Variants in LRRC58 observed in about 807,000 individuals in gnomAD.
LRRC58 encodes the protein leucine rich repeat containing 58.
A neutral mutation model predicts 30.6 loss-of-function variants in LRRC58; 18 were observed. The ratio of observed to expected loss-of-function variants is 0.59; its 90% CI spans 0.41 to 0.87. The LOEUF (loss-of-function observed/expected upper bound fraction) is 0.87, where lower values mean the gene tolerates loss of function less well. Ranked by LOEUF, LRRC58 falls within the 40% of genes least tolerant of loss-of-function variation. The pLI, the probability that LRRC58 is intolerant of heterozygous loss-of-function variation, is 0.00. For missense variants in LRRC58, 420 were observed against 468.4 expected (o/e 0.90, Z 0.95); for synonymous variants, 221 against 206.0 (o/e 1.07, Z -0.62).
rs1298605171 is a variant in LRRC58 at position 120,327,508 on chromosome 3, C to A, written c.*3692G>T. 1 of 151,976 alleles carries A rather than the reference C, an allele frequency of 6.6e-6. No homozygotes were observed. Among genetic ancestry groups the A allele is most frequent in the African/African-American group, 2.4e-5 (1 of 41,362 alleles). 9.4% of individuals were successfully genotyped at this position (151,976 alleles called of 1,614,324 possible). On this transcript the variant is annotated 3_prime_UTR_variant, in exon 4 of 4. Coordinates refer to ENST00000295628, the MANE Select transcript of LRRC58 (RefSeq NM_001099678.2). ...TGACCTCGTGATCCACCCGCCTCGG[C>A]CTCCCAAAGTGCTGGGATTACAAGC...
Position 120,348,802 on chromosome 3 carries a change from G to T in LRRC58, c.442C>A (p.Leu148Met). The T allele has an allele frequency of 6.2e-7, 1 of 1,607,390 alleles. No homozygotes were observed. Residue 148 changes from leucine (L) to methionine (M), a missense_variant, in exon 1 of 4, where the codon CTG becomes ATG. Leu to Met is a conservative substitution (Grantham distance 15, BLOSUM62 2). Coordinates refer to ENST00000295628, the MANE Select transcript of LRRC58 (RefSeq NM_001099678.2). ...TGCAGTTGGTTGCCGCCCAGGCTCA[G>T]GGTCTGCAGCGCGCGCAGCTCTAAG... ...SLLELRALQT[L>M]SLGGNQLQSI...
At chr3:120,343,261 CAAAT>C (rs1006679080) in intron 1 of LRRC58, among the ~76,000 whole-genome samples, 1 of 152,218 alleles carries the variant, frequency 6.6e-6, no homozygotes, top group Non-Finnish European at 1.5e-5. Flanking sequence ...CTTTCTAACT[CAAAT>C]AATTTCCAAA....
rs1001546872 is a variant in LRRC58 at position 120,326,656 on chromosome 3, G to T, written c.*4544C>A. The stretch of plus-strand genomic sequence containing the variant: ...AAAAGCTCACTATTTTGGACTAAAT[G>T]GGGAGTAACATTCATAATGACAATA... On this transcript the variant is annotated 3_prime_UTR_variant, in exon 4 of 4. Coordinates refer to ENST00000295628, the MANE Select transcript of LRRC58 (RefSeq NM_001099678.2). 2.0e-5 allele frequency: 3 copies of T among 152,144 alleles called. 1 individual carries two copies. The South Asian group carries it at 6.2e-4, about 32-fold the overall frequency. 9.4% of individuals were successfully genotyped at this position (152,144 alleles called of 1,614,324 possible).
At position 120,334,976 on chromosome 3, in the gene LRRC58, A is replaced by G. The variant is rs1368527219; in HGVS notation, c.793T>C (p.Leu265=). The G allele has an allele frequency of 6.2e-7, 1 of 1,613,932 alleles. No homozygotes were observed. Among genetic ancestry groups the G allele is most frequent in the Middle Eastern group, 1.7e-4 (1 of 6,060 alleles). ...LTYDPPTLLE[L]AARTIKIRNI... ...CGAATCTTAATGGTCCGTGCAGCTA[A>G]TTCCAGGAGAGTTGGAGGATCATAG... Residue 265 remains leucine (L), a synonymous_variant, in exon 3 of 4, where the codon TTA becomes CTA. Transcript: ENST00000295628.
chr3:120,343,671 A>AC (rs1351660710), intron 1 of LRRC58, among the ~76,000 whole-genome samples: 2 of 152,232 alleles, frequency 1.3e-5, no homozygotes, highest in African/African-American at 4.8e-5. Context: ...ACAGGCTAGC[A>AC]CAAGTAAAAG....
chr3:120,345,002 T>C (rs1168001625), intron 1 of LRRC58, among the ~76,000 whole-genome samples: 1 of 152,106 alleles, frequency 6.6e-6, no homozygotes, highest in Non-Finnish European at 1.5e-5. Flanking sequence ...AACCGCATGG[T>C]TCACATTGAT....
chr3:120,349,321 C>A lies in LRRC58; in HGVS notation c.-78G>T. 7.7e-7 allele frequency: 1 copy of A among 1,303,290 alleles called. No individual in the cohort carries two copies. The highest frequency in any genetic ancestry group is 2.1e-5 in the South Asian group (1 of 48,590). 80.7% of individuals were successfully genotyped at this position (1,303,290 alleles called of 1,614,324 possible). ...TCCAGAGGCCGGGAGCTCTGCGGCG[C>A]CCCGGAACCTGAACCGAGGGCTGAG... On this transcript the variant is annotated 5_prime_UTR_variant, in exon 1 of 4. Coordinates refer to ENST00000295628, the MANE Select transcript of LRRC58 (RefSeq NM_001099678.2).
chr3:120,328,697 T>C lies in LRRC58; in HGVS notation c.*2503A>G, dbSNP rs2107620190. 6.6e-6 allele frequency: 1 copy of C among 152,320 alleles called. No individual in the cohort carries two copies. The highest frequency in any genetic ancestry group is 1.9e-4 in the East Asian group (1 of 5,184). The allele number at this position is 152,320 out of a possible 1,614,324, so 9.4% of individuals were successfully genotyped here. The stretch of plus-strand genomic sequence containing the variant: ...AAGTCCCTTGTATTTGACTTCTGAT[T>C]AATTTCTCCAATCAGTTATGAGAAA... On this transcript the variant is annotated 3_prime_UTR_variant, in exon 4 of 4. Transcript: ENST00000295628.
Position 120,330,281 on chromosome 3 carries a change from T to C in LRRC58, c.*919A>G, listed in dbSNP as rs1348424718. On this transcript the variant is annotated 3_prime_UTR_variant, in exon 4 of 4. Coordinates refer to ENST00000295628, the MANE Select transcript of LRRC58 (RefSeq NM_001099678.2). ...CTTACTCTGTCTTATGATGAACAGA[T>C]TGATGAAGATTGTGGCCTACCATTA... 1 of 152,122 alleles carries C rather than the reference T, an allele frequency of 6.6e-6. No homozygotes were observed. Among genetic ancestry groups the C allele is most frequent in the Non-Finnish European group, 1.5e-5 (1 of 67,964 alleles). 9.4% of individuals were successfully genotyped at this position (152,122 alleles called of 1,614,324 possible).
chr3:120,332,035 C>T (rs1935764774), intron 3 of LRRC58, among the ~76,000 whole-genome samples: 1 of 152,132 alleles, frequency 6.6e-6, no homozygotes, highest in Admixed American at 6.5e-5. Flanking sequence ...CTTTTGATTC[C>T]TAGGTTAGTG....
chr3:120,343,778 C>T (rs1450640921), intron 1 of LRRC58, among the ~76,000 whole-genome samples: 1 of 152,100 alleles, frequency 6.6e-6, no homozygotes, highest in East Asian at 1.9e-4. Flanking sequence ...GTCTCTAATC[C>T]CAGCACTTTC....
intron 1 of LRRC58, among the ~76,000 whole-genome samples, chr3:120,341,324 A>T (rs772660291): frequency 4.6e-5 from 7 of 152,228 alleles, no homozygotes; most frequent in Admixed American, 6.5e-5. Context: ...CAATGAGAAT[A>T]CTATCAGGGA....
chr3:120,337,030 G>C (rs1046977955), intron 1 of LRRC58, among the ~76,000 whole-genome samples: 1 of 151,918 alleles, frequency 6.6e-6, no homozygotes, highest in African/African-American at 2.4e-5. Flanking sequence ...GCCTACTAAA[G>C]GGTTACCCAA....
rs569144895 is a variant in LRRC58 at position 120,325,633 on chromosome 3, T to G, written c.*5567A>C. The G allele has an allele frequency of 2.0e-5, 3 of 152,132 alleles. No homozygotes were observed. Among genetic ancestry groups the G allele is most frequent in the African/African-American group, 7.2e-5 (3 of 41,432 alleles). The allele number at this position is 152,132 out of a possible 1,614,324, so 9.4% of individuals were successfully genotyped here. On this transcript the variant is annotated 3_prime_UTR_variant, in exon 4 of 4. Transcript: ENST00000295628. Reference sequence around the variant, plus strand: ...TTAGTAAATATAGACCAAGAAGAGATAGAAAAAGAATGGGAGATATTTACA... The same window carrying G: ...TTAGTAAATATAGACCAAGAAGAGAGAGAAAAAGAATGGGAGATATTTACA...
At chr3:120,338,613 A>C (rs868675332) in intron 1 of LRRC58, among the ~76,000 whole-genome samples, 2 of 152,228 alleles carry the variant, frequency 1.3e-5, no homozygotes, top group Admixed American at 1.3e-4. Context: ...AGAGATCTAA[A>C]TGACTGAGTA....
Position 120,326,834 on chromosome 3 carries a change from C to T in LRRC58, c.*4366G>A, listed in dbSNP as rs1462017972. 1 of 152,194 alleles carries T rather than the reference C, an allele frequency of 6.6e-6. No individual in the cohort carries two copies. The highest frequency in any genetic ancestry group is 1.5e-5 in the Non-Finnish European group (1 of 68,030). The allele number at this position is 152,194 out of a possible 1,614,324, so 9.4% of individuals were successfully genotyped here. A position where few individuals can be genotyped will look rare whatever the true frequency, so the allele number is the denominator to read the frequency against. ...AAAATTTAGGAATAATAACCATTAA[C>T]TTTTTTTACATAGCTACTGCTAAAA... On this transcript the variant is annotated 3_prime_UTR_variant, in exon 4 of 4. Coordinates refer to ENST00000295628, the MANE Select transcript of LRRC58 (RefSeq NM_001099678.2).
In LRRC58 at chr3:120,327,247, CTTT is replaced by C. The variant is rs66631816; in HGVS notation, c.*3950_*3952del. ...CTAGCCCTGTGGCTTCTAAAGATTT[CTTT>C]TTTTTTTTTTTTTTTTTTTGAGACG... On this transcript the variant is annotated 3_prime_UTR_variant, in exon 4 of 4. Coordinates refer to ENST00000295628, the MANE Select transcript of LRRC58 (RefSeq NM_001099678.2). The C allele has an allele frequency of 0.015, 1,495 of 96,572 alleles. 11 individuals carry two copies. The highest frequency in any genetic ancestry group is 0.047 in the African/African-American group (1,148 of 24,530). 6.0% of individuals were successfully genotyped at this position (96,572 alleles called of 1,614,324 possible).
chr3:120,333,881 A>G (rs1354474887), intron 3 of LRRC58, among the ~76,000 whole-genome samples: 1 of 152,108 alleles, frequency 6.6e-6, no homozygotes, highest in African/African-American at 2.4e-5. Context: ...CCATCTGAAA[A>G]ATTTCCTATC....
chr3:120,339,531 T>C (rs769975020), intron 1 of LRRC58, among the ~76,000 whole-genome samples: 13 of 152,234 alleles, frequency 8.5e-5, no homozygotes, highest in African/African-American at 1.4e-4. Context: ...TTTAACTTTT[T>C]CCCCTCACTC....
Sources: gnomAD v4.1 joint callset for allele counts (sites outside exome capture counted in the v4.1 genomes callset) on GRCh38, gnomAD v4.1.1 for gene constraint, MANE v1.5 for transcripts, NCBI Gene and HGNC (gene_info 2026-07-23, HGNC 2026-07-21) for gene names.